SUZ12: variants seen among roughly 807,000 people sequenced by gnomAD.
SUZ12 encodes the protein polycomb protein SUZ12.
SUZ12 carries 17 observed loss-of-function variants against 87.3 expected under a neutral mutation model. That is an observed-to-expected ratio of 0.19 (90% confidence interval 0.13 to 0.29). SUZ12 has a LOEUF of 0.29. Among genes scored for constraint, SUZ12 ranks in the 10% least tolerant of loss-of-function variants. The pLI is 1.00. For synonymous variants in SUZ12, 253 were observed against 312.4 expected, an observed-to-expected ratio of 0.81 and a Z score of 2.01; for missense variants, 526 against 912.2, an observed-to-expected ratio of 0.58 and a Z score of 5.45.
chr17:31,995,934 G>A (rs890433404), intron 14 of SUZ12, among the ~76,000 whole-genome samples, 172 bp downstream of exon 14: 4 of 152,062 alleles, frequency 2.6e-5, no homozygotes, highest in South Asian at 2.1e-4. Flanking sequence ...ACCAAGTTAG[G>A]CTGGTGGCGG....
chr17:31,991,084 T>C (rs1037796779), intron 10 of SUZ12, among the ~76,000 whole-genome samples: 3 of 152,222 alleles, frequency 2.0e-5, no homozygotes. Context: ...GTAGGTACAT[T>C]GTCCTTGACC....
intron 8 of SUZ12, among the ~76,000 whole-genome samples, chr17:31,977,539 A>G (rs1215835739): frequency 4.6e-5 from 7 of 151,764 alleles, no homozygotes; most frequent in Non-Finnish European, 1.0e-4. Flanking sequence ...TGGCCTCCCA[A>G]AGTGCTGGGA....
chr17:31,967,060 G>C lies in SUZ12; in HGVS notation c.505+864G>C, dbSNP rs141828982. 4 of 152,130 alleles carry C rather than the reference G, an allele frequency of 2.6e-5. No individual in the cohort carries two copies. In the East Asian group the frequency reaches 7.8e-4, roughly 30 times the overall value. The allele number at this position is 152,130 out of a possible 1,614,324, so 9.4% of individuals were successfully genotyped here. A position where few individuals can be genotyped will look rare whatever the true frequency, so the allele number is the denominator to read the frequency against. ...CTAAAAATATAAACATTAGCCAGGCGTGGTGGTGGGTGCCTGTAGTCCCAG... is the reference window on the plus strand; with the variant it reads ...CTAAAAATATAAACATTAGCCAGGCCTGGTGGTGGGTGCCTGTAGTCCCAG... On this transcript the variant is annotated intron_variant, in intron 5 of 15. Transcript: ENST00000322652.
At chr17:31,983,274 CT>C (rs10681815) in intron 9 of SUZ12, among the ~76,000 whole-genome samples, 170 bp downstream of exon 9, 9,297 of 118,130 alleles carry the variant, frequency 0.079, 321 homozygotes, top group Non-Finnish European at 0.11. Context: ...AGGTATCATT[CT>C]TTTTTTTTTT....
At chr17:31,982,448 G>A (rs1014480737) in intron 8 of SUZ12, among the ~76,000 whole-genome samples, 52 of 152,198 alleles carry the variant, frequency 3.4e-4, no homozygotes, top group African/African-American at 1.2e-3. Flanking sequence ...GATCACGAGG[G>A]CAGGAGTTTA....
At chr17:31,996,919 T>C in intron 15 of SUZ12, 42 bp downstream of exon 15, 1 of 1,206,178 alleles carries the variant, frequency 8.3e-7, no homozygotes, top group African/African-American at 1.6e-5. Flanking sequence ...TATTATTCTT[T>C]ATGGTCTTTT....
intron 8 of SUZ12, among the ~76,000 whole-genome samples, chr17:31,979,103 C>CAAAAAA (rs61307349): frequency 0.026 from 1,666 of 64,996 alleles, 63 homozygotes; most frequent in Non-Finnish European, 0.041. Flanking sequence ...ACTGTGTCTC[C>CAAAAAA]AAAAAAAAAA....
chr17:31,987,197 A>G (rs868812448), intron 9 of SUZ12, among the ~76,000 whole-genome samples: 1 of 152,242 alleles, frequency 6.6e-6, no homozygotes, highest in South Asian at 2.1e-4. Flanking sequence ...CACTAGTAGA[A>G]TGATAATGAC....
chr17:31,998,316 C>A (rs564194773), intron 15 of SUZ12, among the ~76,000 whole-genome samples: 3 of 151,938 alleles, frequency 2.0e-5, no homozygotes, highest in Non-Finnish European at 2.9e-5. Context: ...CCTGATCTTG[C>A]GATCCACCCA....
intron 10 of SUZ12, among the ~76,000 whole-genome samples, chr17:31,990,923 T>G (rs1909688039): frequency 6.6e-6 from 1 of 151,990 alleles, no homozygotes; most frequent in Non-Finnish European, 1.5e-5. Flanking sequence ...AATTTTTGTA[T>G]TTTTCGGTAG....
chr17:31,986,780 G>A (rs151130597), intron 9 of SUZ12, among the ~76,000 whole-genome samples: 3,585 of 152,158 alleles, frequency 0.024, 68 homozygotes, highest in Non-Finnish European at 0.036. Context: ...TCGAACTCCT[G>A]ACCTCACGAT....
At chr17:31,940,570 A>G in intron 3 of SUZ12, 84 bp downstream of exon 3, 1 of 1,516,154 alleles carries the variant, frequency 6.6e-7, no homozygotes, top group Non-Finnish European at 8.8e-7. Context: ...TAAAAAAAAA[A>G]ACGAACAAAA....
At chr17:31,951,775 CTTTTT>C (rs61047916) in intron 4 of SUZ12, among the ~76,000 whole-genome samples, 1 of 114,330 alleles carries the variant, frequency 8.7e-6, no homozygotes. Context: ...CGCGCCCAGC[CTTTTT>C]TTTTTTTTTT....
intron 7 of SUZ12, 83 bp from the exon 8 acceptor site, chr17:31,976,438 G>A: frequency 1.8e-6 from 2 of 1,093,524 alleles, no homozygotes; most frequent in East Asian, 2.6e-5. Context: ...GATAAATGTA[G>A]CATGTTTTAT....
At chr17:31,945,727 T>C (rs1235686771) in intron 3 of SUZ12, among the ~76,000 whole-genome samples, 2 of 152,220 alleles carry the variant, frequency 1.3e-5, no homozygotes, top group South Asian at 2.1e-4. Context: ...TGTGATCTTA[T>C]CTATTTCAAA....
chr17:31,969,649 T>C (rs1266196819), intron 5 of SUZ12, among the ~76,000 whole-genome samples: 1 of 151,982 alleles, frequency 6.6e-6, no homozygotes, highest in African/African-American at 2.4e-5. Flanking sequence ...GAAGTAGATA[T>C]ATTGTGTTTC....
chr17:31,967,276 G>A (rs1908153730), intron 5 of SUZ12: 1 of 151,600 alleles, frequency 6.6e-6, no homozygotes. Context: ...TTTTTATTAT[G>A]CAATGGAATA....
chr17:31,939,598 A>C (rs1340460680), intron 1 of SUZ12, among the ~76,000 whole-genome samples: 1 of 150,542 alleles, frequency 6.6e-6, no homozygotes, highest in Non-Finnish European at 1.5e-5. Context: ...ATCTCGGCTC[A>C]CGGCAGCCTC....
At chr17:31,951,764 C>G (rs1906996828) in intron 4 of SUZ12, among the ~76,000 whole-genome samples, 1 of 146,830 alleles carries the variant, frequency 6.8e-6, no homozygotes. Flanking sequence ...GTGTGAGCCA[C>G]CGCGCCCAGC....
Sources: gnomAD v4.1 joint callset for allele counts (sites outside exome capture counted in the v4.1 genomes callset) on GRCh38, gnomAD v4.1.1 for gene constraint, MANE v1.5 for transcripts, NCBI Gene and HGNC (gene_info 2026-07-23, HGNC 2026-07-21) for gene names.